Variants in MORC1 observed in about 807,000 individuals in gnomAD.
The protein encoded by MORC1 is MORC family CW-type zinc finger protein 1.
In MORC1, 59 loss-of-function variants were observed where a neutral mutation model predicts 134.9. The ratio of observed to expected loss-of-function variants is 0.44; its 90% confidence interval spans 0.35 to 0.54. The LOEUF (loss-of-function observed/expected upper bound fraction) is 0.54, where lower values mean the gene tolerates loss of function less well. Among genes scored for constraint, MORC1 ranks in the 20% least tolerant of loss-of-function variants. MORC1 has a pLI of 0.00. For synonymous variants in MORC1, 395 were observed against 391.7 expected, an observed-to-expected ratio of 1.01 and a Z score of -0.10; for missense variants, 947 against 1,134.5, an observed-to-expected ratio of 0.83 and a Z score of 2.37.
intron 17 of MORC1, among the ~76,000 whole-genome samples, chr3:109,009,203 TG>T (rs1442356448): frequency 0.14 from 18,309 of 130,026 alleles, 1,953 homozygotes; most frequent in Non-Finnish European, 0.19. Flanking sequence ...TTACGTTTTT[TG>T]TTGTTTTTTT....
intron 26 of MORC1, among the ~76,000 whole-genome samples, chr3:108,966,414 T>C (rs1465780161): frequency 6.6e-6 from 1 of 152,104 alleles, no homozygotes; most frequent in East Asian, 1.9e-4. Context: ...CATTTAAGTG[T>C]TTATGTTGGC....
chr3:109,055,117 G>A (rs576890776), intron 13 of MORC1, among the ~76,000 whole-genome samples: 11 of 152,200 alleles, frequency 7.2e-5, no homozygotes, highest in Admixed American at 2.6e-4. Flanking sequence ...GAGTTAATAC[G>A]ACTCGTTTTA....
chr3:109,067,209 C>T (rs1041431432), intron 9 of MORC1, among the ~76,000 whole-genome samples: 2 of 152,094 alleles, frequency 1.3e-5, no homozygotes, highest in Admixed American at 1.3e-4. Flanking sequence ...CATTATGGGT[C>T]TATGGTTAAG....
chr3:109,114,199 T>C (rs1364475341), intron 2 of MORC1, among the ~76,000 whole-genome samples, 185 bp downstream of exon 2: 1 of 152,168 alleles, frequency 6.6e-6, no homozygotes, highest in Non-Finnish European at 1.5e-5. Context: ...TAAAATTAAA[T>C]AAAGGTGAAT....
chr3:109,030,886 ACC>A (rs1949226399), intron 16 of MORC1, among the ~76,000 whole-genome samples: 1 of 152,216 alleles, frequency 6.6e-6, no homozygotes, highest in Non-Finnish European at 1.5e-5. Flanking sequence ...AGTGATGAAT[ACC>A]TCTATTTACC....
At chr3:109,010,672 C>T (rs1010102168) in intron 17 of MORC1, among the ~76,000 whole-genome samples, 3 of 152,312 alleles carry the variant, frequency 2.0e-5, no homozygotes, top group Admixed American at 1.3e-4. Context: ...TCTTCCAACC[C>T]TGCCCCATCC....
intron 17 of MORC1, among the ~76,000 whole-genome samples, chr3:109,025,893 T>C (rs766423808): frequency 3.3e-5 from 5 of 152,220 alleles, no homozygotes; most frequent in Non-Finnish European, 7.3e-5. Flanking sequence ...ACCTATTGAG[T>C]ACCTGGTATA....
At chr3:109,035,535 G>T in intron 14 of MORC1, 67 bp from the exon 15 acceptor site, 1 of 1,055,074 alleles carries the variant, frequency 9.5e-7, no homozygotes, top group South Asian at 1.7e-5. Context: ...AATTGGCAAA[G>T]GGAAGTTTGT....
chr3:109,083,625 A>C (rs1417067935), intron 8 of MORC1, among the ~76,000 whole-genome samples: 21 of 152,214 alleles, frequency 1.4e-4, no homozygotes. Flanking sequence ...CTCTTCAAAA[A>C]AACTGAAGAG....
chr3:109,022,696 C>T (rs1240313121), intron 17 of MORC1, among the ~76,000 whole-genome samples: 1 of 152,198 alleles, frequency 6.6e-6, no homozygotes, highest in Non-Finnish European at 1.5e-5. Flanking sequence ...TCAGCCTAAC[C>T]TATGTAGAGT....
intron 24 of MORC1, among the ~76,000 whole-genome samples, chr3:108,971,865 A>G (rs1367005522): frequency 1.3e-5 from 2 of 152,116 alleles, no homozygotes; most frequent in African/African-American, 4.8e-5. Flanking sequence ...AGAAAAAAAA[A>G]GAAAAGAAAC....
intron 23 of MORC1, among the ~76,000 whole-genome samples, chr3:108,983,221 T>C (rs1947798123): frequency 6.6e-6 from 1 of 152,166 alleles, no homozygotes; most frequent in African/African-American, 2.4e-5. Context: ...GAAAAAAAGT[T>C]ACATCACTTA....
intron 8 of MORC1, among the ~76,000 whole-genome samples, chr3:109,079,351 G>C (rs1029399794): frequency 6.6e-6 from 1 of 151,772 alleles, no homozygotes; most frequent in Non-Finnish European, 1.5e-5. Context: ...CTTTAAAGGA[G>C]AAAAACAAAA....
intron 8 of MORC1, among the ~76,000 whole-genome samples, chr3:109,072,639 G>A (rs1435649837): frequency 6.6e-6 from 1 of 152,144 alleles, no homozygotes. Context: ...CAATGGCAAT[G>A]CTACCACTCT....
At chr3:108,988,003 T>C (rs536203666) in intron 21 of MORC1, among the ~76,000 whole-genome samples, 17 of 152,252 alleles carry the variant, frequency 1.1e-4, no homozygotes, top group Middle Eastern at 3.4e-3. Context: ...TCATGTAAGA[T>C]AGGGAGCTGT....
Position 108,979,845 on chromosome 3 carries a change from A to G in MORC1, c.2325-178T>C, listed in dbSNP as rs554463539. 4.6e-5 allele frequency among the ~76,000 whole-genome samples: 7 copies of G among 152,376 alleles called. No individual in the cohort carries two copies. In the East Asian group the frequency reaches 1.3e-3, roughly 29 times the overall value. On this transcript the variant is annotated intron_variant, in intron 23 of 27. Transcript: ENST00000232603. ...AACAAATTCTTAATTAGAAGAATTT[A>G]TATTTATTCCAGTCACATATTTTTT...
chr3:109,032,884 G>C, intron 15 of MORC1, 59 bp from the exon 16 acceptor site: 1 of 1,132,972 alleles, frequency 8.8e-7, no homozygotes, highest in South Asian at 1.3e-5. Context: ...ATCATAGTAA[G>C]ATGTCAGTTT....
At chr3:109,099,634 A>C (rs543305913) in intron 5 of MORC1, among the ~76,000 whole-genome samples, 168 bp from the exon 6 acceptor site, 3 of 152,224 alleles carry the variant, frequency 2.0e-5, no homozygotes, top group African/African-American at 7.2e-5. Context: ...GTAAAGCAGA[A>C]GAATTTGAAC....
intron 21 of MORC1, among the ~76,000 whole-genome samples, chr3:108,990,262 G>T (rs1024995811): frequency 6.6e-6 from 1 of 152,052 alleles, no homozygotes; most frequent in Non-Finnish European, 1.5e-5. Context: ...ATAATATACT[G>T]TCAGGTAATG....
Sources: gnomAD v4.1 joint callset for allele counts (sites outside exome capture counted in the v4.1 genomes callset) on GRCh38, gnomAD v4.1.1 for gene constraint, MANE v1.5 for transcripts, NCBI Gene and HGNC (gene_info 2026-07-23, HGNC 2026-07-21) for gene names.